The following PRR16 variants were observed in gnomAD, a reference collection of about 807,000 sequenced individuals.
PRR16 encodes the protein protein Largen.
PRR16 carries 6 observed loss-of-function variants against 18.2 expected under a neutral mutation model. That is an observed-to-expected ratio of 0.33 (90% CI 0.18 to 0.65). The LOEUF (loss-of-function observed/expected upper bound fraction) is 0.65. PRR16 is among the 30% of genes least tolerant of loss of function. The pLI is 0.74. For missense variants in PRR16, 412 were observed against 376.6 expected (o/e 1.09, Z -0.78); for synonymous variants, 151 against 147.8 (o/e 1.02, Z -0.16).
intron 1 of PRR16, among the ~76,000 whole-genome samples, chr5:120,596,581 T>C (rs2405955): frequency 0.44 from 66,339 of 151,484 alleles, 15,296 homozygotes; most frequent in East Asian, 0.83. Context: ...TCTATATCAA[T>C]TGCCCAACTT....
At chr5:120,689,944 T>C (rs1757190188), downstream of PRR16, among the ~76,000 whole-genome samples, 1 of 152,114 alleles carries the variant, frequency 6.6e-6, no homozygotes. Flanking sequence ...AAAAATATGT[T>C]CACAAAAATA....
the PRR16 span, among the ~76,000 whole-genome samples, chr5:120,788,689 C>T: frequency 6.6e-6 from 1 of 152,046 alleles, no homozygotes; most frequent in South Asian, 2.1e-4. Flanking sequence ...GTTCTTGCAT[C>T]TTCTTAAGCA....
chr5:120,617,895 A>T (rs1754567526), intron 1 of PRR16, among the ~76,000 whole-genome samples: 1 of 152,152 alleles, frequency 6.6e-6, no homozygotes, highest in African/African-American at 2.4e-5. Flanking sequence ...AGTCAAGGTC[A>T]ATAATTTTTT....
At chr5:120,759,385 T>G in the PRR16 span, among the ~76,000 whole-genome samples, 7 of 152,104 alleles carry the variant, frequency 4.6e-5, no homozygotes, top group African/African-American at 1.7e-4. Flanking sequence ...CTTATAGAGA[T>G]TTGTATCCAA....
chr5:120,464,388 G>A lies in PRR16; in HGVS notation c.-99G>A, dbSNP rs1306780425. On this transcript the variant is annotated 5_prime_UTR_variant, in exon 1 of 2. Transcript: ENST00000407149. ...CCCAGGGAGCGCCCAAGATGTGGGG[G>A]GACCGGGGCGGCAGCGGCCGTAGCA... 37 of 1,357,026 alleles carry A rather than the reference G, an allele frequency of 2.7e-5. No individual in the cohort carries two copies. The highest frequency in any genetic ancestry group is 3.2e-5 in the Non-Finnish European group (33 of 1,022,846). 84.1% of individuals were successfully genotyped at this position (1,357,026 alleles called of 1,614,324 possible).
chr5:120,710,386 A>G, the PRR16 span, among the ~76,000 whole-genome samples: 5 of 152,110 alleles, frequency 3.3e-5, no homozygotes, highest in Non-Finnish European at 7.4e-5. Context: ...GGCTCTAGGT[A>G]CTCTTCCCAA....
the PRR16 span, among the ~76,000 whole-genome samples, chr5:120,754,819 G>A: frequency 2.0e-5 from 3 of 150,384 alleles, no homozygotes; most frequent in Non-Finnish European, 3.0e-5. Flanking sequence ...TAAAAATTAA[G>A]AGCAAGGTCA....
At chr5:120,528,529 G>A (rs898584784) in intron 1 of PRR16, among the ~76,000 whole-genome samples, 14 of 152,258 alleles carry the variant, frequency 9.2e-5, no homozygotes, top group African/African-American at 3.4e-4. Context: ...TATCTCAGAG[G>A]AAATACAAAT....
chr5:120,762,391 C>T, the PRR16 span, among the ~76,000 whole-genome samples: 25 of 152,086 alleles, frequency 1.6e-4, no homozygotes, highest in Non-Finnish European at 1.3e-4. Flanking sequence ...TTTGACAACA[C>T]CTTTTCTAAG....
At chr5:120,541,307 A>G (rs1751906765) in intron 1 of PRR16, among the ~76,000 whole-genome samples, 1 of 152,056 alleles carries the variant, frequency 6.6e-6, no homozygotes, top group South Asian at 2.1e-4. Context: ...CACCATGCCC[A>G]GCTAATTTTT....
At chr5:120,703,976 A>G in the PRR16 span, among the ~76,000 whole-genome samples, 1 of 152,190 alleles carries the variant, frequency 6.6e-6, no homozygotes, top group Non-Finnish European at 1.5e-5. Context: ...GAGCTTTTCT[A>G]TAAAGATTTA....
At chr5:120,512,758 CA>C (rs1227136434) in intron 1 of PRR16, among the ~76,000 whole-genome samples, 5 of 151,782 alleles carry the variant, frequency 3.3e-5, no homozygotes, top group Non-Finnish European at 5.9e-5. Flanking sequence ...CTTCACCACG[CA>C]AAAAAATTTG....
At chr5:120,700,640 G>T in the PRR16 span, among the ~76,000 whole-genome samples, 2 of 151,944 alleles carry the variant, frequency 1.3e-5, no homozygotes, top group Non-Finnish European at 2.9e-5. Flanking sequence ...ACCAGAGTTG[G>T]GGAGTTTTAA....
At chr5:120,714,609 T>C in the PRR16 span, among the ~76,000 whole-genome samples, 4 of 152,132 alleles carry the variant, frequency 2.6e-5, no homozygotes, top group Non-Finnish European at 5.9e-5. Context: ...AACCAAAAAA[T>C]GCTATTTGAT....
intron 1 of PRR16, among the ~76,000 whole-genome samples, chr5:120,558,215 T>C (rs1219282626): frequency 1.3e-5 from 2 of 151,906 alleles, no homozygotes; most frequent in African/African-American, 4.8e-5. Context: ...CACCCTGTTG[T>C]GCTGTCAAAT....
At chr5:120,727,739 G>C in the PRR16 span, among the ~76,000 whole-genome samples, 1 of 151,792 alleles carries the variant, frequency 6.6e-6, no homozygotes. Flanking sequence ...AACATATTTT[G>C]ATATATTCTA....
At chr5:120,587,465 T>A (rs75011056) in intron 1 of PRR16, among the ~76,000 whole-genome samples, 32,996 of 152,138 alleles carry the variant, frequency 0.22, 4,090 homozygotes, top group Middle Eastern at 0.37. Context: ...CTAATGCACC[T>A]GATGACTTTA....
intron 1 of PRR16, 136 bp from the exon 2 acceptor site, chr5:120,685,818 T>G (rs1376321286): frequency 2.4e-6 from 2 of 839,000 alleles, no homozygotes; most frequent in Non-Finnish European, 3.6e-6. Flanking sequence ...ACTGAAAACA[T>G]CAAGCAGCAA....
intron 1 of PRR16, among the ~76,000 whole-genome samples, chr5:120,550,485 T>C (rs1007826136): frequency 6.6e-6 from 1 of 152,040 alleles, no homozygotes; most frequent in African/African-American, 2.4e-5. Flanking sequence ...TCCACTCTGA[T>C]GAGAGGAAGA....
Sources: gnomAD v4.1 joint callset for allele counts (sites outside exome capture counted in the v4.1 genomes callset) on GRCh38, gnomAD v4.1.1 for gene constraint, MANE v1.5 for transcripts, NCBI Gene and HGNC (gene_info 2026-07-23, HGNC 2026-07-21) for gene names.